Variants in NPAT observed in about 807,000 individuals in gnomAD.
NPAT encodes the protein nuclear protein, coactivator of histone transcription.
Under a neutral mutation model 130.7 loss-of-function variants are expected in NPAT, and 52 were observed. That is an observed-to-expected ratio of 0.40 (90% CI 0.32 to 0.50). The LOEUF is 0.50. Among genes scored for constraint, NPAT ranks in the 20% least tolerant of loss-of-function variants. The probability of loss-of-function intolerance (pLI) is 0.68; values close to 1 mark genes in which losing one functional copy is unlikely to be tolerated. For synonymous variants in NPAT, 580 were observed against 584.8 expected, an observed-to-expected ratio of 0.99 and a Z score of 0.12; for missense variants, 1,687 against 1,662.6, an observed-to-expected ratio of 1.01 and a Z score of -0.26.
rs377084169 is a variant in NPAT at position 108,172,986 on chromosome 11, T to C, written c.1998A>G (p.Val666=). The C allele has an allele frequency of 5.6e-6, 9 of 1,614,006 alleles. No individual in the cohort carries two copies. The African/African-American group carries it at 8.0e-5, about 14-fold the overall frequency. The change falls in exon 13 of 18, where the codon GTA becomes GTG. Residue 666 remains valine, a synonymous_variant. Coordinates refer to ENST00000278612, the MANE Select transcript of NPAT (RefSeq NM_002519.3). ...AGAGAAAAATAGTATTCTCTTCTTT[T>C]ACAGAAGATGAAGGCTCCTGTGAAT... ...SENSQEPSSS[V]KEENTIFLSL...
At position 108,222,533 on chromosome 11, in the gene NPAT, A is replaced by G; in HGVS notation, c.4T>C (p.Leu2=). 1 of 1,613,928 alleles carries G rather than the reference A, an allele frequency of 6.2e-7. No individual in the cohort carries two copies. The highest frequency in any genetic ancestry group is 8.5e-7 in the Non-Finnish European group (1 of 1,179,948). ...AGCCGGGCTACGTCCGAGGGTAACAACATGATCAAAACCACAGCAGGAACC... is the reference window on the plus strand; with the variant it reads ...AGCCGGGCTACGTCCGAGGGTAACAGCATGATCAAAACCACAGCAGGAACC... M[L]LPSDVARLVL... Residue 2 remains leucine, a synonymous_variant, in exon 1 of 18, where the codon TTG becomes CTG. Transcript: ENST00000278612.
At chr11:108,186,632 C>A (rs1463554581) in intron 7 of NPAT, 63 bp from the exon 8 acceptor site, 1 of 1,254,914 alleles carries the variant, frequency 8.0e-7, no homozygotes, top group East Asian at 2.4e-5. Context: ...AAGATAAATA[C>A]ATATACAGAC....
At chr11:108,213,006 G>A (rs2078399270) in intron 1 of NPAT, among the ~76,000 whole-genome samples, 1 of 150,796 alleles carries the variant, frequency 6.6e-6, no homozygotes, top group African/African-American at 2.4e-5. Flanking sequence ...GGGGCATGGT[G>A]GCTCATGCCT....
chr11:108,165,489 G>C (rs1316341569), intron 15 of NPAT, among the ~76,000 whole-genome samples: 1 of 140,338 alleles, frequency 7.1e-6, no homozygotes, highest in Admixed American at 7.1e-5. Context: ...TTTTGTGATA[G>C]GGTCTTGCTC....
At chr11:108,209,473 G>C (rs1370070894) in intron 1 of NPAT, among the ~76,000 whole-genome samples, 1 of 151,930 alleles carries the variant, frequency 6.6e-6, no homozygotes, top group East Asian at 1.9e-4. Context: ...AGTCCCAGTA[G>C]TTCAGGAGTT....
In NPAT at chr11:108,172,954, C is replaced by T; in HGVS notation, c.2030G>A (p.Gly677Asp). Reference sequence around the variant, plus strand: ...AACTTTCTCACAGTTAGCATTTCCACCTAAAGAGAGAAAAATAGTATTCTC... The same window carrying T: ...AACTTTCTCACAGTTAGCATTTCCATCTAAAGAGAGAAAAATAGTATTCTC... ...KEENTIFLSL[G>D]GNANCEKVAL... The change falls in exon 13 of 18, where the codon GGT becomes GAT. Residue 677 changes from glycine to aspartate, a missense_variant. Gly to Asp is a moderately conservative substitution (Grantham distance 94). This residue lies in a region of NPAT where 1,379 missense variants were observed against 1,346.6 expected (regional missense o/e 1.02). Transcript: ENST00000278612. 2.5e-6 allele frequency: 4 copies of T among 1,614,086 alleles called. No individual in the cohort carries two copies. The highest frequency in any genetic ancestry group is 1.1e-5 in the South Asian group (1 of 91,080).
chr11:108,176,114 A>T, intron 12 of NPAT, 132 bp downstream of exon 12: 2 of 692,366 alleles, frequency 2.9e-6, no homozygotes, highest in Non-Finnish European at 4.9e-6. Flanking sequence ...TGTTTTTAAC[A>T]GAGAGAAAAA....
chr11:108,208,358 AG>A, intron 1 of NPAT: 1 of 399,126 alleles, frequency 2.5e-6, no homozygotes, highest in Non-Finnish European at 5.1e-6. Flanking sequence ...GGGGAGGCTG[AG>A]GTGGTAGAAT....
chr11:108,204,553 C>CGAACCTGCA (rs2078307717), intron 1 of NPAT, among the ~76,000 whole-genome samples: 1 of 33,358 alleles, frequency 3.0e-5, no homozygotes. Context: ...TGGAACCTGC[C>CGAACCTGCA]GAACCTGCCG....
chr11:108,192,087 A>C, intron 4 of NPAT, 31 bp downstream of exon 4: 3 of 1,445,346 alleles, frequency 2.1e-6, no homozygotes, highest in Non-Finnish European at 2.9e-6. Context: ...TGCATTCCAA[A>C]ATCATTAGGC....
chr11:108,173,690 C>T lies in NPAT; in HGVS notation c.1294G>A (p.Val432Ile), dbSNP rs1426725220. The change falls in exon 13 of 18, where the codon GTA becomes ATA. Residue 432 changes from valine (V) to isoleucine (I), a missense_variant. Physicochemically the swap from Val to Ile is conservative, Grantham distance 29. Coordinates refer to ENST00000278612, the MANE Select transcript of NPAT (RefSeq NM_002519.3). ...ATGTCACACTTCTGTTCAGTGGGTA[C>T]AGCTGTTTTAAAGGCCTTTTTCTGT... ...SIQKKAFKTA[V>I]PTEQKCDIDI... The T allele has an allele frequency of 3.1e-6, 5 of 1,614,126 alleles. No homozygotes were observed. Among genetic ancestry groups the T allele is most frequent in the African/African-American group, 1.3e-5 (1 of 75,028 alleles).
intron 15 of NPAT, among the ~76,000 whole-genome samples, chr11:108,166,187 T>C (rs1308339026): frequency 6.6e-6 from 1 of 151,158 alleles, no homozygotes; most frequent in Non-Finnish European, 1.5e-5. Context: ...AGGTCAGGAG[T>C]TCAAGACCAG....
chr11:108,222,410 T>C, intron 1 of NPAT, 90 bp downstream of exon 1: 2 of 1,402,914 alleles, frequency 1.4e-6, no homozygotes, highest in South Asian at 2.4e-5. Flanking sequence ...ACCCCAAAGC[T>C]TCCCTACCAA....
At chr11:108,186,265 C>T (rs1355162840) in intron 8 of NPAT, among the ~76,000 whole-genome samples, 2 of 152,124 alleles carry the variant, frequency 1.3e-5, no homozygotes, top group Non-Finnish European at 2.9e-5. Flanking sequence ...AATCTGCCCA[C>T]CTCAGCTTCC....
intron 1 of NPAT, among the ~76,000 whole-genome samples, chr11:108,201,579 A>C (rs1008798383): frequency 6.6e-6 from 1 of 152,242 alleles, no homozygotes; most frequent in South Asian, 2.1e-4. Flanking sequence ...CAAGGAGCTG[A>C]ATTTGGTAGC....
chr11:108,173,772 G>A lies in NPAT; in HGVS notation c.1212C>T (p.Asn404=). The part of the protein sequence containing the change: ...DPLNALKNSN[N]HDVLRQEDQE... ...GGTCTTCTTGTCTAAGCACATCATG[G>A]TTGTTGCTATTCTTCAAAGCATTTA... Residue 404 remains asparagine (N), a synonymous_variant, in exon 13 of 18, where the codon AAC becomes AAT. Transcript: ENST00000278612. 3.7e-6 allele frequency: 6 copies of A among 1,614,120 alleles called. No homozygotes were observed. The highest frequency in any genetic ancestry group is 1.1e-5 in the South Asian group (1 of 91,072).
intron 13 of NPAT, chr11:108,171,847 C>A: frequency 5.1e-6 from 1 of 196,996 alleles, no homozygotes; most frequent in Admixed American, 5.4e-5. Flanking sequence ...CCCTGAAGAC[C>A]ATGACTATAA....
chr11:108,195,772 C>T (rs997216419), intron 2 of NPAT, among the ~76,000 whole-genome samples: 1 of 152,150 alleles, frequency 6.6e-6, no homozygotes, highest in Non-Finnish European at 1.5e-5. Context: ...GGACTAAGTG[C>T]ACCACTATAC....
chr11:108,172,723 G>T lies in NPAT; in HGVS notation c.2261C>A (p.Thr754Asn), dbSNP rs750840571. 38 of 1,613,582 alleles carry T rather than the reference G, an allele frequency of 2.4e-5. No individual in the cohort carries two copies. Among genetic ancestry groups the T allele is most frequent in the Non-Finnish European group, 3.2e-5 (38 of 1,180,024 alleles). Residue 754 changes from threonine (T) to asparagine (N), a missense_variant, in exon 13 of 18, where the codon ACT becomes AAT. Thr to Asn is a moderately conservative substitution (Grantham distance 65, BLOSUM62 0). Transcript: ENST00000278612. ...ISDDPFVSSDTELTSAVSSIN... is the reference protein window; with the variant it reads ...ISDDPFVSSDNELTSAVSSIN... ...ACTAGAAACAGCACTGGTAAGTTCA[G>T]TATCTGAGGAAACAAATGGATCATC...
Sources: gnomAD v4.1 joint callset for allele counts (sites outside exome capture counted in the v4.1 genomes callset) on GRCh38, gnomAD v4.1.1 for gene constraint, gnomAD v4.1.1 regional missense constraint, MANE v1.5 for transcripts, NCBI Gene and HGNC (gene_info 2026-07-23, HGNC 2026-07-21) for gene names.